Variants in SCO2 observed in about 807,000 individuals in gnomAD.
SCO2 encodes synthesis of cytochrome C oxidase 2.
For missense variants in SCO2, 429 were observed against 348.7 expected, an observed-to-expected ratio of 1.23 and a Z score of -1.83; for synonymous variants, 195 against 148.6, an observed-to-expected ratio of 1.31 and a Z score of -2.27.
rs755755878 is a variant in SCO2, at chr22:50,523,852, C to T, written c.560G>A (p.Arg187Lys). The T allele has an allele frequency of 2.7e-5, 43 of 1,613,894 alleles. No homozygotes were observed. The South Asian group carries it at 4.1e-4, about 15-fold the overall frequency. ...MARYVQDFHP[R>K]LLGLTGSTKQ... ...GGTGGAGCCGGTCAGACCCAACAGT[C>T]TTGGGTGGAAGTCCTGGACGTAGCG... The change falls in exon 2 of 2, where the codon AGA (arginine) becomes AAA (lysine). Residue 187 changes from arginine to lysine, a missense_variant. Transcript: ENST00000395693.
rs1569521612 is a variant in SCO2, at chr22:50,524,279, C to T, written c.133G>A (p.Glu45Lys). ...SWLLSRQGPA[E>K]TGGQGQPQGP... Reference sequence around the variant, plus strand: ...TGGGGCTGGCCCTGCCCACCTGTCTCTGCAGGGCCCTGCCTTGACAAAAGC... The same window carrying T: ...TGGGGCTGGCCCTGCCCACCTGTCTTTGCAGGGCCCTGCCTTGACAAAAGC... Residue 45 changes from glutamate (E) to lysine (K), a missense_variant, in exon 2 of 2, where the codon GAG becomes AAG. Transcript: ENST00000395693. 1 of 1,603,674 alleles carries T rather than the reference C, an allele frequency of 6.2e-7. No individual in the cohort carries two copies. The highest frequency in any genetic ancestry group is 1.1e-5 in the South Asian group (1 of 91,072).
upstream of SCO2, chr22:50,526,197 G>A (rs989792811): frequency 2.7e-6 from 4 of 1,485,224 alleles, no homozygotes; most frequent in African/African-American, 1.5e-5. Flanking sequence ...GCCTCGGGAA[G>A]GGAAGGGGAT....
chr22:50,525,030 G>A lies in SCO2; in HGVS notation c.-14+442C>T, dbSNP rs924406041. 2.6e-5 allele frequency among the ~76,000 whole-genome samples: 4 copies of A among 152,160 alleles called. No individual in the cohort carries two copies. The South Asian group carries it at 6.2e-4, about 24-fold the overall frequency. ...ATCCAGGCTTCCCAGCAGCTCCTCC[G>A]GGCTCACAGCCGACGCCCTGCCTTT... is the stretch of plus-strand genomic sequence containing the variant. On this transcript the variant is annotated intron_variant, in intron 1 of 1. Transcript: ENST00000395693.
In SCO2 at chr22:50,525,518, C is replaced by T. The variant is rs2069308423; in HGVS notation, c.-60G>A. ...AGTGGACCAAGCACGAGAGGAAGCG[C>T]CGACCTCCAGCTCCCTGCGCTCTGC... On this transcript the variant is annotated 5_prime_UTR_variant, in exon 1 of 2. Coordinates refer to ENST00000395693, the MANE Select transcript of SCO2 (RefSeq NM_005138.3). 3 of 569,044 alleles carry T rather than the reference C, an allele frequency of 5.3e-6. No homozygotes were observed. The highest frequency in any genetic ancestry group is 4.2e-5 in the South Asian group (2 of 47,522). The allele number at this position is 569,044 out of a possible 1,614,324, so 35.2% of individuals were successfully genotyped here.
At position 50,523,880 on chromosome 22, in the gene SCO2, C is replaced by T. The variant is rs1343365920; in HGVS notation, c.532G>A (p.Ala178Thr). 1 of 1,613,804 alleles carries T rather than the reference C, an allele frequency of 6.2e-7. No homozygotes were observed. The highest frequency in any genetic ancestry group is 1.3e-5 in the African/African-American group (1 of 74,934). The change falls in exon 2 of 2, where the codon GCC becomes ACC. Residue 178 changes from alanine (A) to threonine (T), a missense_variant. Transcript: ENST00000395693. Reference sequence around the variant, plus strand: ...GGGTGGAAGTCCTGGACGTAGCGGGCCATGGCTTCAACGTCGTCCCGCTCG... The same window carrying T: ...GGGTGGAAGTCCTGGACGTAGCGGGTCATGGCTTCAACGTCGTCCCGCTCG... ...DPERDDVEAM[A>T]RYVQDFHPRL...
chr22:50,526,043 C>T, upstream of SCO2: 1 of 1,479,644 alleles, frequency 6.8e-7, no homozygotes, highest in Non-Finnish European at 8.9e-7. Context: ...AGCTCTGCGC[C>T]CACCCCCAGG....
At chr22:50,524,591 ACATCCACACCTGGG>A in intron 1 of SCO2, 167 bp from the exon 2 acceptor site, 1 of 724,926 alleles carries the variant, frequency 1.4e-6, no homozygotes, top group South Asian at 1.5e-5. Context: ...CCTCCACCAA[ACATCCACACCTGGG>A]CAACCACACC....
In SCO2 at chr22:50,524,427, G is replaced by A; in HGVS notation, c.-13-3C>T. The stretch of plus-strand genomic sequence containing the variant: ...GCAGCAGCATGGATCTGATGCTCCT[G>A]GAAACAAGCACAGGCGTCAGGAGCC... On this transcript the variant is annotated splice_region_variant and splice_polypyrimidine_tract_variant and intron_variant, in intron 1 of 1. Transcript: ENST00000395693. 6.2e-7 allele frequency: 1 copy of A among 1,609,672 alleles called. No individual in the cohort carries two copies.
rs751804826 is a variant in SCO2 at position 50,523,587 on chromosome 22, T to C, written c.*24A>G. ...CACAGATTAAACGCAGCCCGTTTAA[T>C]GATGGGGCCCAGACTGCAGTGGCTC... On this transcript the variant is annotated 3_prime_UTR_variant, in exon 2 of 2. Transcript: ENST00000395693. 6.8e-6 allele frequency: 11 copies of C among 1,611,862 alleles called. No homozygotes were observed. The highest frequency in any genetic ancestry group is 5.5e-5 in the South Asian group (5 of 91,018).
chr22:50,525,929 A>G, upstream of SCO2: 2 of 1,465,300 alleles, frequency 1.4e-6, no homozygotes, highest in Non-Finnish European at 9.0e-7. Context: ...CTGCAGAGCG[A>G]GGGGCTGTTA....
intron 1 of SCO2, 55 bp downstream of exon 1, chr22:50,525,417 G>A (rs2069303059): frequency 5.8e-6 from 2 of 345,880 alleles, no homozygotes; most frequent in South Asian, 5.7e-5. Context: ...AACTACCCCG[G>A]AGTCCAGCGA....
Position 50,524,287 on chromosome 22 carries a change from C to T in SCO2, c.125G>A (p.Gly42Asp), listed in dbSNP as rs2069229292. 1.2e-6 allele frequency: 2 copies of T among 1,603,316 alleles called. No homozygotes were observed. Among genetic ancestry groups the T allele is most frequent in the South Asian group, 2.2e-5 (2 of 91,070 alleles). The change falls in exon 2 of 2, where the codon GGC becomes GAC. Residue 42 changes from glycine to aspartate, a missense_variant. Physicochemically the swap from Gly to Asp is moderately conservative, Grantham distance 94 (BLOSUM62 -1). Coordinates refer to ENST00000395693, the MANE Select transcript of SCO2 (RefSeq NM_005138.3). ...GCCCTGCCCACCTGTCTCTGCAGGG[C>T]CCTGCCTTGACAAAAGCCAGGACCT... is the stretch of plus-strand genomic sequence containing the variant. ...HLRSWLLSRQ[G>D]PAETGGQGQP...
At chr22:50,525,833 G>A (rs1260447331), upstream of SCO2, 1 of 1,609,160 alleles carries the variant, frequency 6.2e-7, no homozygotes, top group South Asian at 1.1e-5. Context: ...GCGCGCGGTC[G>A]GAGAGTACGA....
chr22:50,526,131 C>T (rs863224248), upstream of SCO2: 22 of 1,488,364 alleles, frequency 1.5e-5, no homozygotes, highest in Non-Finnish European at 2.0e-5. Context: ...CCCGGACCAG[C>T]TCCACGGTGC....
chr22:50,524,510 C>T, intron 1 of SCO2, 86 bp from the exon 2 acceptor site: 1 of 1,252,144 alleles, frequency 8.0e-7, no homozygotes, highest in South Asian at 1.3e-5. Flanking sequence ...ACCAGCCACC[C>T]ATCTGAAGGA....
chr22:50,524,165 C>T lies in SCO2; in HGVS notation c.247G>A (p.Glu83Lys). The part of the protein sequence containing the change: ...GAWLALRAEK[E>K]RLQQQKRTEA... ...GTTCGCTTTTGCTGCTGCAGCCTCT[C>T]CTTCTCAGCCCTCAGGGCCAGCCAG... Residue 83 changes from glutamate to lysine, a missense_variant, in exon 2 of 2, where the codon GAG (glutamate) becomes AAG (lysine). Glu to Lys is a moderately conservative substitution (Grantham distance 56). Transcript: ENST00000395693. The T allele has an allele frequency of 1.2e-6, 2 of 1,610,606 alleles. No homozygotes were observed. The highest frequency in any genetic ancestry group is 1.7e-6 in the Non-Finnish European group (2 of 1,180,000).
intron 1 of SCO2, among the ~76,000 whole-genome samples, chr22:50,525,103 G>T (rs2069283954): frequency 6.6e-6 from 1 of 152,182 alleles, no homozygotes; most frequent in African/African-American, 2.4e-5. Context: ...CAGAAGGTTT[G>T]CTAGGTGGAG....
chr22:50,524,283 A>G lies in SCO2; in HGVS notation c.129T>C (p.Pro43=). The G allele has an allele frequency of 6.2e-7, 1 of 1,603,512 alleles. No individual in the cohort carries two copies. The highest frequency in any genetic ancestry group is 8.5e-7 in the Non-Finnish European group (1 of 1,179,774). ...GCTGGCCCTGCCCACCTGTCTCTGC[A>G]GGGCCCTGCCTTGACAAAAGCCAGG... is the stretch of plus-strand genomic sequence containing the variant. ...LRSWLLSRQG[P]AETGGQGQPQ... The change falls in exon 2 of 2, where the codon CCT becomes CCC. Residue 43 remains proline, a synonymous_variant. Coordinates refer to ENST00000395693, the MANE Select transcript of SCO2 (RefSeq NM_005138.3).
At chr22:50,524,471 C>G in intron 1 of SCO2, 47 bp from the exon 2 acceptor site, 1 of 1,556,046 alleles carries the variant, frequency 6.4e-7, no homozygotes, top group Admixed American at 1.7e-5. Flanking sequence ...AGGCCCAGGA[C>G]AGTGCCTGGG....
Sources: allele counts gnomAD v4.1 joint callset (sites outside exome capture counted in the v4.1 genomes callset), GRCh38; gene constraint gnomAD v4.1.1; transcripts MANE v1.5; gene names NCBI Gene and HGNC (gene_info 2026-07-23, HGNC 2026-07-21).